Variants in UBAC1 observed in about 807,000 individuals in gnomAD.
UBAC1 encodes ubiquitin-associated domain-containing protein 1.
UBAC1 carries 27 observed loss-of-function variants against 45.9 expected under a neutral mutation model. The observed-to-expected ratio is 0.59, with a 90% CI of 0.43 to 0.81. The LOEUF is 0.81. UBAC1 is among the 30% of genes least tolerant of loss of function. The pLI is 0.00. For missense variants in UBAC1, 529 were observed against 539.2 expected, an observed-to-expected ratio of 0.98 and a Z score of 0.19; for synonymous variants, 227 against 215.5, an observed-to-expected ratio of 1.05 and a Z score of -0.47.
Position 135,961,089 on chromosome 9 carries a change from T to C in UBAC1, c.74A>G (p.Glu25Gly). The C allele has an allele frequency of 6.3e-7, 1 of 1,585,596 alleles. No homozygotes were observed. Among genetic ancestry groups the C allele is most frequent in the Non-Finnish European group, 8.5e-7 (1 of 1,171,210 alleles). ...RLHICASDGA[E>G]WLEEATEDTS... ...GTCCTCGGTGGCCTCCTCCAGCCAC[T>C]CGGCGCCGTCGGACGCGCAGATGTG... The change falls in exon 1 of 10, where the codon GAG (glutamate) becomes GGG (glycine). Residue 25 changes from glutamate to glycine, a missense_variant. Transcript: ENST00000371756.
intron 1 of UBAC1, among the ~76,000 whole-genome samples, chr9:135,956,071 C>T (rs1398955902): frequency 6.6e-6 from 1 of 152,212 alleles, no homozygotes; most frequent in African/African-American, 2.4e-5. Flanking sequence ...GTCACCAGGG[C>T]CCTGGAAACC....
chr9:135,935,011 C>A (rs749371302), intron 9 of UBAC1, among the ~76,000 whole-genome samples: 7 of 152,146 alleles, frequency 4.6e-5, no homozygotes, highest in Non-Finnish European at 1.0e-4. Context: ...CCCTGAGTAG[C>A]AGGGACTACA....
intron 8 of UBAC1, among the ~76,000 whole-genome samples, chr9:135,938,813 T>TG (rs71384033): frequency 0.23 from 28,147 of 119,788 alleles, 3,128 homozygotes; most frequent in Non-Finnish European, 0.31. Context: ...CGGGGGATGG[T>TG]GGGGGGGGGA....
At chr9:135,946,075 A>G (rs1839330301) in intron 5 of UBAC1, 78 bp from the exon 6 acceptor site, 14 of 1,394,030 alleles carry the variant, frequency 1.0e-5, no homozygotes, top group Non-Finnish European at 1.4e-5. Flanking sequence ...ATTTGCAGCA[A>G]TTATCTGTCT....
rs1224641912 is a variant in UBAC1 at position 135,945,180 on chromosome 9, G to C, written c.724C>G (p.Pro242Ala). The change falls in exon 7 of 10, where the codon CCT (proline) becomes GCT (alanine). Residue 242 changes from proline to alanine, a missense_variant. Physicochemically the swap from Pro to Ala is conservative, Grantham distance 27 (BLOSUM62 -1). Coordinates refer to ENST00000371756, the MANE Select transcript of UBAC1 (RefSeq NM_016172.3). Reference protein sequence around the residue: ...AEDPTIDTPLPGQAPPEAEGA... With the variant: ...AEDPTIDTPLAGQAPPEAEGA... ...TCGGCCTCTGGGGGAGCTTGGCCAGGAAGAGGCGTGTCTATGGTCGGGTCT... is the reference window on the plus strand; with the variant it reads ...TCGGCCTCTGGGGGAGCTTGGCCAGCAAGAGGCGTGTCTATGGTCGGGTCT... 1 of 1,613,136 alleles carries C rather than the reference G, an allele frequency of 6.2e-7. No homozygotes were observed. The highest frequency in any genetic ancestry group is 8.5e-7 in the Non-Finnish European group (1 of 1,179,720).
At chr9:135,958,405 C>T (rs189533374) in intron 1 of UBAC1, among the ~76,000 whole-genome samples, 154 of 152,304 alleles carry the variant, frequency 1.0e-3, no homozygotes, top group Non-Finnish European at 1.6e-3. Flanking sequence ...TCCTCTGCCC[C>T]CTTCTCCACT....
At chr9:135,939,581 AC>A in intron 8 of UBAC1, 91 bp downstream of exon 8, 1 of 1,289,680 alleles carries the variant, frequency 7.8e-7, no homozygotes, top group East Asian at 2.4e-5. Flanking sequence ...CTCACTCACC[AC>A]AGCCCACACT....
intron 3 of UBAC1, among the ~76,000 whole-genome samples, chr9:135,953,209 C>T (rs926039948): frequency 1.3e-5 from 2 of 152,144 alleles, no homozygotes; most frequent in African/African-American, 2.4e-5. Flanking sequence ...CAGGCTCTGC[C>T]GGGAGAGAGA....
In UBAC1 at chr9:135,945,968, C is replaced by A; in HGVS notation, c.574G>T (p.Val192Leu). 6.2e-7 allele frequency: 1 copy of A among 1,613,886 alleles called. No individual in the cohort carries two copies. Among genetic ancestry groups the A allele is most frequent in the Non-Finnish European group, 8.5e-7 (1 of 1,179,906 alleles). ...AMLDEDEDERVDEAALRQLTE... is the reference protein window; with the variant it reads ...AMLDEDEDERLDEAALRQLTE... Reference sequence around the variant, plus strand: ...AGCTGCCGCAGGGCAGCCTCGTCCACACGCTCATCCTCGTCCTCGTCCAGC... The same window carrying A: ...AGCTGCCGCAGGGCAGCCTCGTCCAAACGCTCATCCTCGTCCTCGTCCAGC... The change falls in exon 6 of 10, where the codon GTG becomes TTG. Residue 192 changes from valine (V) to leucine (L), a missense_variant. Transcript: ENST00000371756.
rs554306914 is a variant in UBAC1 at position 135,960,094 on chromosome 9, G to C, written c.138+931C>G. On this transcript the variant is annotated intron_variant, in intron 1 of 9. Transcript: ENST00000371756. ...AGCTCAAGTGTAACGCACTCAACCTGTCAACACAGATACGTCGTAACTTAT... is the reference window on the plus strand; with the variant it reads ...AGCTCAAGTGTAACGCACTCAACCTCTCAACACAGATACGTCGTAACTTAT... 2.0e-5 allele frequency among the ~76,000 whole-genome samples: 3 copies of C among 152,294 alleles called. No homozygotes were observed. The South Asian group carries it at 6.2e-4, about 32-fold the overall frequency.
chr9:135,949,332 CAA>C (rs1382119510), intron 3 of UBAC1, among the ~76,000 whole-genome samples: 1 of 152,140 alleles, frequency 6.6e-6, no homozygotes, highest in Non-Finnish European at 1.5e-5. Flanking sequence ...GAAAAGAAAA[CAA>C]GGAGATCAAA....
At chr9:135,934,736 CAG>C (rs1040648545) in intron 9 of UBAC1, among the ~76,000 whole-genome samples, 7 of 152,308 alleles carry the variant, frequency 4.6e-5, no homozygotes, top group Middle Eastern at 3.4e-3. Flanking sequence ...GTTTCACACA[CAG>C]GGCGGGGAAC....
chr9:135,935,557 A>G (rs1839193641), intron 9 of UBAC1, among the ~76,000 whole-genome samples: 1 of 152,186 alleles, frequency 6.6e-6, no homozygotes, highest in African/African-American at 2.4e-5. Flanking sequence ...ACTTGAGCCC[A>G]GGAGGTCAAG....
intron 4 of UBAC1, among the ~76,000 whole-genome samples, chr9:135,947,149 G>T (rs542181840): frequency 6.6e-6 from 1 of 152,230 alleles, no homozygotes; most frequent in Non-Finnish European, 1.5e-5. Context: ...GGCACAGCAC[G>T]TGCCTGCCCT....
At chr9:135,938,108 A>C (rs1839220710) in intron 9 of UBAC1, 114 bp downstream of exon 9, 1 of 1,469,758 alleles carries the variant, frequency 6.8e-7, no homozygotes, top group East Asian at 2.3e-5. Context: ...CTGCCAGCGC[A>C]CGGCGATCCT....
intron 1 of UBAC1, among the ~76,000 whole-genome samples, chr9:135,958,110 G>C (rs552433995): frequency 6.5e-4 from 95 of 145,160 alleles, no homozygotes; most frequent in Non-Finnish European, 1.2e-3. Flanking sequence ...GCAGTGGCTT[G>C]ATCTCGGCTC....
intron 1 of UBAC1, among the ~76,000 whole-genome samples, chr9:135,958,848 C>A (rs1307815838): frequency 6.6e-6 from 1 of 152,202 alleles, no homozygotes; most frequent in Admixed American, 6.5e-5. Context: ...TGTATGTCGG[C>A]TCTTGCGGTG....
chr9:135,953,769 C>T lies in UBAC1; in HGVS notation c.260-16G>A, dbSNP rs770397714. On this transcript the variant is annotated splice_polypyrimidine_tract_variant and intron_variant, in intron 2 of 9. Transcript: ENST00000371756. ...AATAGGACATCTAGAAAAAACAACA[C>T]GTATATCCAACACACTGGTTATCAC... is the stretch of plus-strand genomic sequence containing the variant. The T allele has an allele frequency of 5.6e-6, 9 of 1,610,644 alleles. No homozygotes were observed. Among genetic ancestry groups the T allele is most frequent in the African/African-American group, 2.7e-5 (2 of 74,830 alleles).
chr9:135,941,626 A>G (rs760844776), intron 7 of UBAC1, among the ~76,000 whole-genome samples: 12 of 152,230 alleles, frequency 7.9e-5, no homozygotes, highest in Non-Finnish European at 1.2e-4. Context: ...TTTCTACCTC[A>G]GCCCAGGAAA....
Sources: allele counts gnomAD v4.1 joint callset (sites outside exome capture counted in the v4.1 genomes callset), GRCh38; gene constraint gnomAD v4.1.1; transcripts MANE v1.5; gene names NCBI Gene and HGNC (gene_info 2026-07-23, HGNC 2026-07-21).